Variants in USP13 observed in about 807,000 individuals in gnomAD.
The protein encoded by USP13 is ubiquitin carboxyl-terminal hydrolase 13.
A neutral mutation model predicts 107.8 loss-of-function variants in USP13; 68 were observed. The ratio of observed to expected loss-of-function variants is 0.63; its 90% CI spans 0.52 to 0.77. The LOEUF is 0.77. Ranked by LOEUF, USP13 falls within the 30% of genes least tolerant of loss-of-function variation. The pLI is 0.00. For synonymous variants in USP13, 377 were observed against 389.5 expected, an observed-to-expected ratio of 0.97 and a Z score of 0.38; for missense variants, 945 against 1,093.3, an observed-to-expected ratio of 0.86 and a Z score of 1.91.
chr3:179,681,031 C>T (rs901424658), intron 1 of USP13, among the ~76,000 whole-genome samples: 1 of 152,140 alleles, frequency 6.6e-6, no homozygotes, highest in Non-Finnish European at 1.5e-5. Context: ...TCTTTCTCTT[C>T]CTTTGCTCTA....
Position 179,730,187 on chromosome 3 carries a change from A to G in USP13, c.1089-2A>G. ...TTTTAACTATTGCCTCTCATTTTCT[A>G]GGTATGTAGGAAACCTTCCCAGAAT... On this transcript the variant is annotated splice_acceptor_variant, in intron 8 of 20. Transcript: ENST00000263966. LOFTEE classifies it high-confidence loss of function. The G allele has an allele frequency of 6.2e-7, 1 of 1,610,936 alleles. No homozygotes were observed. The highest frequency in any genetic ancestry group is 8.5e-7 in the Non-Finnish European group (1 of 1,178,794).
intron 10 of USP13, among the ~76,000 whole-genome samples, chr3:179,735,959 G>T (rs1353260328): frequency 6.6e-6 from 1 of 152,164 alleles, no homozygotes; most frequent in Non-Finnish European, 1.5e-5. Context: ...AGGATCACTT[G>T]TGCCCAAGGG....
intron 6 of USP13, among the ~76,000 whole-genome samples, chr3:179,716,382 T>C (rs192444315): frequency 1.7e-3 from 265 of 152,338 alleles, no homozygotes; most frequent in Admixed American, 0.013. Flanking sequence ...ATGAGACCCT[T>C]CACACCAAAC....
chr3:179,752,720 T>C lies in USP13; in HGVS notation c.1798+347T>C, dbSNP rs562592340. On this transcript the variant is annotated intron_variant, in intron 14 of 20. Transcript: ENST00000263966. The stretch of plus-strand genomic sequence containing the variant: ...AGATTGGGCAGGTCTGGAGTGGGCC[T>C]GTGATTCTGTGTTTCTAACAAGCTC... Among the ~76,000 whole-genome samples, 38 of 152,354 alleles carry C rather than the reference T, an allele frequency of 2.5e-4. No individual in the cohort carries two copies. In the South Asian group the frequency reaches 7.9e-3, roughly 32 times the overall value.
intron 13 of USP13, among the ~76,000 whole-genome samples, chr3:179,749,131 C>G (rs554085774): frequency 1.3e-5 from 2 of 152,080 alleles, no homozygotes; most frequent in Non-Finnish European, 2.9e-5. Context: ...CTGTAGACAT[C>G]TTAATGTCTT....
At chr3:179,722,680 G>A (rs1395521471) in intron 8 of USP13, among the ~76,000 whole-genome samples, 5 of 151,944 alleles carry the variant, frequency 3.3e-5, no homozygotes, top group East Asian at 1.9e-4. Context: ...TAAAATATAC[G>A]ACAAGTTATT....
intron 15 of USP13, among the ~76,000 whole-genome samples, chr3:179,756,454 CAGAG>C (rs1196836877): frequency 6.6e-6 from 1 of 151,306 alleles, no homozygotes; most frequent in Non-Finnish European, 1.5e-5. Flanking sequence ...ACAAAAAATA[CAGAG>C]AGAGGCTGGG....
At chr3:179,672,463 C>T (rs937443620) in intron 1 of USP13, among the ~76,000 whole-genome samples, 8 of 151,360 alleles carry the variant, frequency 5.3e-5, no homozygotes, top group African/African-American at 1.9e-4. Flanking sequence ...TGGCTCACTG[C>T]AATCTCTGCC....
In USP13 at chr3:179,706,833, C is replaced by T. The variant is rs542505219; in HGVS notation, c.478-101C>T. 8 of 1,362,504 alleles carry T rather than the reference C, an allele frequency of 5.9e-6. No homozygotes were observed. In the South Asian group the frequency reaches 1.2e-4, roughly 21 times the overall value. The allele number at this position is 1,362,504 out of a possible 1,614,324, so 84.4% of individuals were successfully genotyped here. On this transcript the variant is annotated intron_variant, in intron 4 of 20. Transcript: ENST00000263966. ...TGCGACAACTACGCTGTTTGCGTTT[C>T]TTCAGTTTTTAAATTCATATTCTAG...
intron 3 of USP13, among the ~76,000 whole-genome samples, chr3:179,698,912 C>T (rs1712408786): frequency 6.8e-6 from 1 of 146,044 alleles, no homozygotes; most frequent in Non-Finnish European, 1.5e-5. Flanking sequence ...CTCTGTTGCT[C>T]AGGCTAGAGT....
intron 14 of USP13, 91 bp downstream of exon 14, chr3:179,752,464 C>A: frequency 2.2e-6 from 2 of 894,120 alleles, no homozygotes; most frequent in Non-Finnish European, 1.9e-6. Context: ...TTGGCTGCCA[C>A]AAACAGTTCC....
intron 1 of USP13, among the ~76,000 whole-genome samples, chr3:179,657,159 A>T (rs1444621444): frequency 1.3e-5 from 2 of 152,236 alleles, no homozygotes; most frequent in Admixed American, 6.5e-5. Flanking sequence ...TATTTTGTGG[A>T]TTAAATAAAT....
At position 179,721,661 on chromosome 3, in the gene USP13, G is replaced by A; in HGVS notation, c.1088+72G>A. ...CATCTAGGTCCAGTCCACTCAGTGT[G>A]CGCTGCGAAGCCCATCTTTATTGCT... On this transcript the variant is annotated intron_variant, in intron 8 of 20. Coordinates refer to ENST00000263966, the MANE Select transcript of USP13 (RefSeq NM_003940.3). This position sits in a 1 kb window ranked among gnomAD's most constrained non-coding sequence, Gnocchi z 4.3. The A allele has an allele frequency of 6.7e-7, 1 of 1,497,724 alleles. No homozygotes were observed. The highest frequency in any genetic ancestry group is 9.0e-7 in the Non-Finnish European group (1 of 1,109,166). 92.8% of individuals were successfully genotyped at this position (1,497,724 alleles called of 1,614,324 possible).
chr3:179,765,574 TA>T, intron 18 of USP13, 120 bp from the exon 19 acceptor site: 1 of 1,214,182 alleles, frequency 8.2e-7, no homozygotes. Flanking sequence ...CAGTGGCACT[TA>T]GGACTAATTA....
At chr3:179,673,073 C>A (rs912723725) in intron 1 of USP13, among the ~76,000 whole-genome samples, 7 of 152,118 alleles carry the variant, frequency 4.6e-5, no homozygotes, top group Non-Finnish European at 1.0e-4. Flanking sequence ...GTTCAAGTGT[C>A]CAGGCTGCTA....
At chr3:179,714,731 A>T (rs1248502035) in intron 6 of USP13, among the ~76,000 whole-genome samples, 3 of 152,134 alleles carry the variant, frequency 2.0e-5, no homozygotes, top group Admixed American at 6.5e-5. Flanking sequence ...CAAAAATTTT[A>T]AAAAAGGCAG....
chr3:179,775,095 G>A (rs937674335), intron 19 of USP13, among the ~76,000 whole-genome samples: 1 of 151,228 alleles, frequency 6.6e-6, no homozygotes, highest in Non-Finnish European at 1.5e-5. Context: ...AGTCACAAAA[G>A]TTCTTCAAGT....
chr3:179,676,134 C>A (rs1720886269), intron 1 of USP13, among the ~76,000 whole-genome samples: 5 of 152,124 alleles, frequency 3.3e-5, no homozygotes. Flanking sequence ...CTTCCAGCCG[C>A]CCTGTGAAGA....
At chr3:179,675,700 G>A (rs538540432) in intron 1 of USP13, among the ~76,000 whole-genome samples, 16 of 151,834 alleles carry the variant, frequency 1.1e-4, no homozygotes, top group South Asian at 2.1e-4. Context: ...AGCGTGTTCC[G>A]CCACGCCTGG....
Sources: allele counts gnomAD v4.1 joint callset (sites outside exome capture counted in the v4.1 genomes callset), GRCh38; gene constraint gnomAD v4.1.1; non-coding constraint Gnocchi (gnomAD v3.1); transcripts MANE v1.5; gene names NCBI Gene and HGNC (gene_info 2026-07-23, HGNC 2026-07-21).